The following NDUFA7 variants were observed in gnomAD, a reference collection of about 807,000 sequenced individuals.
The protein encoded by NDUFA7 is NADH:ubiquinone oxidoreductase subunit A7.
In NDUFA7, 18 loss-of-function variants were observed where a neutral mutation model predicts 14.2. The ratio of observed to expected loss-of-function variants is 1.27; its 90% CI spans 0.88 to 1.88. The LOEUF (loss-of-function observed/expected upper bound fraction) is 1.88, where lower values mean the gene tolerates loss of function less well. Ranked by LOEUF, NDUFA7 falls within the 40% of genes most tolerant of loss-of-function variation. The probability of loss-of-function intolerance (pLI) is 0.00; values close to 1 mark genes in which losing one functional copy is unlikely to be tolerated. For synonymous variants in NDUFA7, 75 were observed against 62.1 expected (o/e 1.21, Z -0.98); for missense variants, 172 against 147.3 (o/e 1.17, Z -0.87).
chr19:8,308,679 C>T, downstream of NDUFA7: 1 of 268,870 alleles, frequency 3.7e-6, no homozygotes, highest in Non-Finnish European at 7.1e-6. Context: ...GCTTTTGTGG[C>T]GCCGACAGGT....
intron 3 of NDUFA7, among the ~76,000 whole-genome samples, chr19:8,313,914 A>C (rs1282900829): frequency 6.6e-6 from 1 of 152,260 alleles, no homozygotes. Flanking sequence ...CCCTCGTAAC[A>C]GCTTTCTGAA....
intron 2 of NDUFA7, among the ~76,000 whole-genome samples, chr19:8,317,813 A>G (rs1046914590): frequency 3.3e-5 from 5 of 152,224 alleles, no homozygotes; most frequent in African/African-American, 1.2e-4. Context: ...ACAGGCGCAC[A>G]CTACCACATC....
chr19:8,309,655 G>T (rs1599627424), downstream of NDUFA7, among the ~76,000 whole-genome samples: 1 of 152,100 alleles, frequency 6.6e-6, no homozygotes, highest in Admixed American at 6.6e-5. Flanking sequence ...CTCCAGGAAG[G>T]TGTTAGCCTT....
chr19:8,320,738 G>A, intron 2 of NDUFA7, 119 bp downstream of exon 2: 2 of 1,231,196 alleles, frequency 1.6e-6, no homozygotes, highest in Non-Finnish European at 2.4e-6. Context: ...CCACAGCCTG[G>A]CAGGGGACTG....
intron 2 of NDUFA7, among the ~76,000 whole-genome samples, chr19:8,317,234 G>A (rs570825953): frequency 6.6e-6 from 1 of 152,112 alleles, no homozygotes; most frequent in Non-Finnish European, 1.5e-5. Flanking sequence ...ACTAAACCCT[G>A]GGCTGGATTT....
downstream of NDUFA7, chr19:8,310,430 A>C (rs77159093): frequency 2.1e-5 from 3 of 145,230 alleles, no homozygotes; most frequent in African/African-American, 7.5e-5. Context: ...ACTCTGTCTC[A>C]AAAAAAAAAA....
chr19:8,318,663 CAAAAAAAAAAAAA>C (rs35904087), intron 2 of NDUFA7, among the ~76,000 whole-genome samples: 15 of 41,102 alleles, frequency 3.6e-4, no homozygotes, highest in African/African-American at 1.1e-3. Flanking sequence ...CCCAGTCTTA[CAAAAAAAAAAAAA>C]AAAAAAAAAA....
At chr19:8,319,805 G>A (rs1970279367) in intron 2 of NDUFA7, among the ~76,000 whole-genome samples, 1 of 152,008 alleles carries the variant, frequency 6.6e-6, no homozygotes, top group Admixed American at 6.6e-5. Flanking sequence ...TGTCCAGCCT[G>A]ACACTCTTAG....
At chr19:8,316,281 C>T (rs897340538) in intron 3 of NDUFA7, among the ~76,000 whole-genome samples, 8 of 152,086 alleles carry the variant, frequency 5.3e-5, no homozygotes, top group South Asian at 2.1e-4. Context: ...GTGATGATTG[C>T]GCCATTGCAC....
intron 3 of NDUFA7, among the ~76,000 whole-genome samples, chr19:8,312,001 C>T (rs1160824713): frequency 1.3e-5 from 2 of 152,378 alleles, no homozygotes; most frequent in East Asian, 3.9e-4. Flanking sequence ...ATTCCTGCCT[C>T]AGACTGGGCA....
rs572388548 is a variant in NDUFA7, at chr19:8,316,768, G to A, written c.102-123C>T. The A allele has an allele frequency of 1.1e-4, 135 of 1,203,126 alleles. No homozygotes were observed. The South Asian group carries it at 1.1e-3, about 10-fold the overall frequency. 74.5% of individuals were successfully genotyped at this position (1,203,126 alleles called of 1,614,324 possible). A position where few individuals can be genotyped will look rare whatever the true frequency, so the allele number is the denominator to read the frequency against. On this transcript the variant is annotated intron_variant, in intron 2 of 3. Transcript: ENST00000301457. ...CAGCCAGCCACTGGGATAAGCCACA[G>A]GCTGGGGGTGTCCCTTGGTACACTG...
At chr19:8,314,846 C>A (rs2145393515) in intron 3 of NDUFA7, among the ~76,000 whole-genome samples, 1 of 150,460 alleles carries the variant, frequency 6.6e-6, no homozygotes, top group East Asian at 2.0e-4. Flanking sequence ...CCCTGGGAGG[C>A]AGAGCTTGCA....
intron 2 of NDUFA7, chr19:8,316,959 C>G (rs1266154940): frequency 3.9e-6 from 1 of 254,380 alleles, no homozygotes; most frequent in Non-Finnish European, 7.5e-6. Context: ...CCATGCCCCC[C>G]ACCCCACGGC....
chr19:8,316,437 C>G, intron 3 of NDUFA7, 59 bp downstream of exon 3: 3 of 1,592,544 alleles, frequency 1.9e-6, no homozygotes, highest in Non-Finnish European at 2.6e-6. Context: ...AGTTGGGAGA[C>G]AGAGTGGGTT....
At chr19:8,316,389 G>C in intron 3 of NDUFA7, 107 bp downstream of exon 3, 1 of 1,471,396 alleles carries the variant, frequency 6.8e-7, no homozygotes, top group Non-Finnish European at 9.2e-7. Flanking sequence ...CGCAACTGAT[G>C]CTTACTAAGT....
intron 2 of NDUFA7, among the ~76,000 whole-genome samples, chr19:8,317,230 C>T (rs922911548): frequency 6.6e-6 from 1 of 152,132 alleles, no homozygotes; most frequent in Non-Finnish European, 1.5e-5. Context: ...TTGAACTAAA[C>T]CCTGGGCTGG....
chr19:8,314,358 ACAGTAATGTCT>A (rs2145392924), intron 3 of NDUFA7, among the ~76,000 whole-genome samples: 1 of 151,928 alleles, frequency 6.6e-6, no homozygotes, highest in Non-Finnish European at 1.5e-5. Flanking sequence ...AATTATATCA[ACAGTAATGTCT>A]CAGTTTCTCA....
At chr19:8,310,420 ACT>A, downstream of NDUFA7, 1 of 151,568 alleles carries the variant, frequency 6.6e-6, no homozygotes, top group East Asian at 1.9e-4. Context: ...CAAGAGCGAA[ACT>A]CTGTCTCAAA....
At chr19:8,319,026 C>A (rs1267678324) in intron 2 of NDUFA7, among the ~76,000 whole-genome samples, 1 of 150,306 alleles carries the variant, frequency 6.7e-6, no homozygotes, top group Admixed American at 6.7e-5. Context: ...TAGAGGGTGC[C>A]GTCATCCTAA....
Sources: gnomAD v4.1 joint callset for allele counts (sites outside exome capture counted in the v4.1 genomes callset) on GRCh38, gnomAD v4.1.1 for gene constraint, MANE v1.5 for transcripts, NCBI Gene and HGNC (gene_info 2026-07-23, HGNC 2026-07-21) for gene names.